The following TNRC6C variants were observed in gnomAD, a reference collection of about 807,000 sequenced individuals.
TNRC6C encodes trinucleotide repeat containing adaptor 6C, also known as trinucleotide repeat-containing gene 6C protein.
A neutral mutation model predicts 153.7 loss-of-function variants in TNRC6C; 20 were observed. That is an observed-to-expected ratio of 0.13 (90% CI 0.09 to 0.19). The LOEUF (loss-of-function observed/expected upper bound fraction) is 0.19, where lower values mean the gene tolerates loss of function less well. Ranked by LOEUF, TNRC6C falls within the 10% of genes least tolerant of loss-of-function variation. The pLI is 1.00. For missense variants in TNRC6C, 1,987 were observed against 2,172.0 expected, an observed-to-expected ratio of 0.91 and a Z score of 1.69; for synonymous variants, 811 against 841.4, an observed-to-expected ratio of 0.96 and a Z score of 0.63.
rs1325316696 is a variant in TNRC6C at position 78,079,217 on chromosome 17, C to T, written c.3211-178C>T. ...TGAGCCAAGACCGCGCTACTGCACT[C>T]CAGTCTGGGTGACAGAACAAGACTC... On this transcript the variant is annotated intron_variant, in intron 9 of 19. Transcript: ENST00000301624. The surrounding 1 kb of genome is among the most constrained non-coding windows in gnomAD (Gnocchi z 4.3). Among the ~76,000 whole-genome samples, 2 of 152,080 alleles carry T rather than the reference C, an allele frequency of 1.3e-5. No homozygotes were observed. Among genetic ancestry groups the T allele is most frequent in the Admixed American group, 1.3e-4 (2 of 15,274 alleles).
chr17:78,056,551 C>T (rs2072658762), intron 3 of TNRC6C, among the ~76,000 whole-genome samples: 1 of 149,200 alleles, frequency 6.7e-6, no homozygotes, highest in Non-Finnish European at 1.5e-5. Context: ...GCAAGCTCCG[C>T]CTCCCAGGTT....
At chr17:77,970,894 A>G (rs941359342) in intron 1 of TNRC6C, among the ~76,000 whole-genome samples, 1 of 152,158 alleles carries the variant, frequency 6.6e-6, no homozygotes. Flanking sequence ...CTGTAGTCCT[A>G]GCTACTCAGG....
chr17:78,093,400 A>G, intron 15 of TNRC6C: 1 of 686,868 alleles, frequency 1.5e-6, no homozygotes, highest in Non-Finnish European at 2.4e-6. Context: ...AACTATTCCA[A>G]CCCTGTGTGA....
intron 2 of TNRC6C, among the ~76,000 whole-genome samples, chr17:78,046,557 A>G (rs1386067374): frequency 2.6e-5 from 4 of 152,158 alleles, no homozygotes; most frequent in African/African-American, 7.2e-5. Context: ...AGCTTTCATT[A>G]TATGATATCT....
intron 1 of TNRC6C, chr17:78,011,985 T>C (rs2143386920): frequency 6.6e-6 from 1 of 152,360 alleles, no homozygotes; most frequent in South Asian, 2.1e-4. Flanking sequence ...TTCATTGTTA[T>C]TTATTTTCTT....
chr17:78,027,553 G>C lies in TNRC6C; in HGVS notation c.-545-3963G>C, dbSNP rs1000507735. On this transcript the variant is annotated intron_variant, in intron 1 of 19. Transcript: ENST00000301624. ...GAATTGATCCAAGACCCAATCTTAT[G>C]TTTTGGGCCTTCATATCTACTTTGG... is the stretch of plus-strand genomic sequence containing the variant. 5.3e-5 allele frequency among the ~76,000 whole-genome samples: 8 copies of C among 152,274 alleles called. No individual in the cohort carries two copies. In the South Asian group the frequency reaches 8.3e-4, roughly 16 times the overall value.
exon 3 of TNRC6C, chr17:78,050,003 G>A: frequency 1.2e-6 from 2 of 1,613,866 alleles, no homozygotes; most frequent in Non-Finnish European, 1.7e-6. Flanking sequence ...TGGGGAAGGG[G>A]CAGTGGCAAC....
exon 20 of TNRC6C, chr17:78,107,373 CTGTT>C (rs2073719705): frequency 6.6e-6 from 1 of 152,204 alleles, no homozygotes; most frequent in African/African-American, 2.4e-5. Context: ...TAGAATGTGA[CTGTT>C]GAAGAACATG....
At chr17:78,027,419 T>C (rs927418847) in intron 1 of TNRC6C, among the ~76,000 whole-genome samples, 1 of 152,156 alleles carries the variant, frequency 6.6e-6, no homozygotes, top group Non-Finnish European at 1.5e-5. Flanking sequence ...GGAAATGCAA[T>C]GTCTTTCACT....
At position 78,104,797 on chromosome 17, in the gene TNRC6C, G is replaced by A. The variant is rs373661067; in HGVS notation, c.5025G>A (p.Pro1675=). The A allele has an allele frequency of 1.7e-5, 25 of 1,442,270 alleles. No homozygotes were observed. Among genetic ancestry groups the A allele is most frequent in the African/African-American group, 4.4e-5 (3 of 67,996 alleles). 89.3% of individuals were successfully genotyped at this position (1,442,270 alleles called of 1,614,324 possible). A position where few individuals can be genotyped will look rare whatever the true frequency, so the allele number is the denominator to read the frequency against. Residue 1675 remains proline, a synonymous_variant, in exon 20 of 20, where the codon CCG becomes CCA. Transcript: ENST00000301624. This position sits in a 1 kb window ranked among gnomAD's most constrained non-coding sequence, Gnocchi z 6.2. ...GCAGGGTGATAGGCAGCCCCACGCCGCTAACCACCCTGCTGCCTGGGGACC... is the reference window on the plus strand; with the variant it reads ...GCAGGGTGATAGGCAGCCCCACGCCACTAACCACCCTGCTGCCTGGGGACC...
In TNRC6C at chr17:78,102,491, G is replaced by A. The variant is rs200368535; in HGVS notation, c.4519G>A (p.Asp1507Asn). The A allele has an allele frequency of 1.0e-4, 163 of 1,607,508 alleles. No homozygotes were observed. Among genetic ancestry groups the A allele is most frequent in the South Asian group, 1.8e-4 (16 of 89,512 alleles). ...TGTTGCAGGTTCTGCCTGGAGCACCGACACCTCAGGAAGAACCAGCAGCTG... is the reference window on the plus strand; with the variant it reads ...TGTTGCAGGTTCTGCCTGGAGCACCAACACCTCAGGAAGAACCAGCAGCTG... The change falls in exon 18 of 20, where the codon GAC (aspartate) becomes AAC (asparagine). Residue 1507 changes from aspartate to asparagine, a missense_variant. Physicochemically the swap from Asp to Asn is conservative, Grantham distance 23. This residue lies in a region of TNRC6C where 765 missense variants were observed against 908.6 expected (regional missense o/e 0.84). Coordinates refer to ENST00000301624, the Ensembl canonical transcript of TNRC6C.
chr17:78,086,350 A>C (rs958064161), intron 11 of TNRC6C, among the ~76,000 whole-genome samples, 153 bp from the exon 14 acceptor site: 5 of 141,814 alleles, frequency 3.5e-5, no homozygotes, highest in Non-Finnish European at 6.1e-5. Flanking sequence ...AAAAAAAAAA[A>C]AAAAAAAAAA....
At position 78,075,354 on chromosome 17, in the gene TNRC6C, A is replaced by G; in HGVS notation, c.3060+76A>G. 1 of 1,485,306 alleles carries G rather than the reference A, an allele frequency of 6.7e-7. No individual in the cohort carries two copies. The highest frequency in any genetic ancestry group is 9.0e-7 in the Non-Finnish European group (1 of 1,107,318). 92.0% of individuals were successfully genotyped at this position (1,485,306 alleles called of 1,614,324 possible). Reference sequence around the variant, plus strand: ...TTCATTTCAACTGTGTCCTTAATACAAGCCAGATTAAAAACTTGCTGGACT... The same window carrying G: ...TTCATTTCAACTGTGTCCTTAATACGAGCCAGATTAAAAACTTGCTGGACT... On this transcript the variant is annotated intron_variant, in intron 8 of 19. Coordinates refer to ENST00000301624, the Ensembl canonical transcript of TNRC6C. This position sits in a 1 kb window ranked among gnomAD's most constrained non-coding sequence, Gnocchi z 4.2.
chr17:78,017,719 G>A (rs2071754830), intron 1 of TNRC6C, among the ~76,000 whole-genome samples: 1 of 152,214 alleles, frequency 6.6e-6, no homozygotes, highest in Non-Finnish European at 1.5e-5. Context: ...AATCCTTCCA[G>A]GGTCTCTGCC....
intron 3 of TNRC6C, among the ~76,000 whole-genome samples, chr17:78,061,154 C>T (rs887753795): frequency 3.9e-5 from 6 of 152,090 alleles, no homozygotes; most frequent in Non-Finnish European, 8.8e-5. Context: ...CCCCATAGTA[C>T]GGAAATATTC....
intron 1 of TNRC6C, among the ~76,000 whole-genome samples, chr17:77,994,141 CGA>C (rs1390228632): frequency 6.6e-6 from 1 of 152,122 alleles, no homozygotes; most frequent in East Asian, 1.9e-4. Context: ...TGCAGTGCAC[CGA>C]GATTGTGCCA....
At chr17:78,083,297 T>A in intron 11 of TNRC6C, 131 bp downstream of exon 13, 2 of 1,274,042 alleles carry the variant, frequency 1.6e-6, no homozygotes, top group Non-Finnish European at 2.2e-6. Context: ...ATGAAGTATT[T>A]AAACTCTTCA....
rs546727820 is a variant in TNRC6C, at chr17:78,092,896, T to G, written c.3971-37T>G. The G allele has an allele frequency of 5.0e-6, 8 of 1,597,228 alleles. No individual in the cohort carries two copies. In the African/African-American group the frequency reaches 9.4e-5, roughly 19 times the overall value. ...CTTCTGGTGTCTCTCAACTGGAGAG[T>G]ATTCACTCGCTTCTTTGTTTCCTAT... On this transcript the variant is annotated intron_variant, in intron 14 of 19. Coordinates refer to ENST00000301624, the Ensembl canonical transcript of TNRC6C.
At chr17:78,006,181 A>G (rs1441019318) in intron 1 of TNRC6C, among the ~76,000 whole-genome samples, 1 of 152,248 alleles carries the variant, frequency 6.6e-6, no homozygotes, top group Admixed American at 6.5e-5. Context: ...GTTAAGAACC[A>G]GTTAATGGTA....
Sources: gnomAD v4.1 joint callset for allele counts (sites outside exome capture counted in the v4.1 genomes callset) on GRCh38, gnomAD v4.1.1 for gene constraint, gnomAD v4.1.1 regional missense constraint, Gnocchi (gnomAD v3.1) non-coding constraint, MANE v1.5 for transcripts, NCBI Gene and HGNC (gene_info 2026-07-23, HGNC 2026-07-21) for gene names.